The following GCNT2 variants were observed in gnomAD, a reference collection of about 807,000 sequenced individuals.
The protein encoded by GCNT2 is glucosaminyl (N-acetyl) transferase 2 (I blood group), also known as N-acetyllactosaminide beta-1,6-N-acetylglucosaminyl-transferase.
Under a neutral mutation model 34.2 loss-of-function variants are expected in GCNT2, and 34 were observed. The observed-to-expected ratio is 1.00, with a 90% CI of 0.76 to 1.32. GCNT2 has a LOEUF of 1.32. Among genes scored for constraint, GCNT2 ranks in the 40% most tolerant of loss-of-function variants. The pLI is 0.00. For synonymous variants in GCNT2, 212 were observed against 188.0 expected (o/e 1.13, Z -1.04); for missense variants, 584 against 489.4 (o/e 1.19, Z -1.82).
chr6:10,617,747 C>CTTTTTTTTTTTTTTTTTTT (rs1407402607), intron 3 of GCNT2, among the ~76,000 whole-genome samples: 2 of 114,296 alleles, frequency 1.7e-5, no homozygotes, highest in African/African-American at 8.5e-5. Context: ...GTCTGCATTT[C>CTTTTTTTTTTTTTTTTTTT]TTCTTTTTTT....
At position 10,523,772 on chromosome 6, in the gene GCNT2, A is replaced by G. The variant is rs1761040336; in HGVS notation, c.-469+2355A>G. ...CGGATCACGAGGTCAGGAGATCGAG[A>G]CCATCCTGGCTAACACGGTGAAACC... On this transcript the variant is annotated intron_variant, in intron 1 of 4. Coordinates refer to ENST00000495262, the MANE Select transcript of GCNT2 (RefSeq NM_145649.5). Among the ~76,000 whole-genome samples the G allele has an allele frequency of 2.6e-5, 4 of 152,016 alleles. No homozygotes were observed. In the South Asian group the frequency reaches 8.3e-4, roughly 32 times the overall value.
chr6:10,557,185 T>A lies in GCNT2; in HGVS notation c.925+27349T>A, dbSNP rs1242832772. On this transcript the variant is annotated intron_variant, in intron 3 of 4. Coordinates refer to ENST00000495262, the MANE Select transcript of GCNT2 (RefSeq NM_145649.5). ...CAGCGTTGAAACCGCCTCCCCCCCA[T>A]AATCTCACAATTTACTTTGGCTCTG... 2.6e-6 allele frequency: 4 copies of A among 1,554,568 alleles called. No homozygotes were observed. The African/African-American group carries it at 4.1e-5, about 16-fold the overall frequency.
At chr6:10,573,811 TGAAA>T (rs1351137949) in intron 3 of GCNT2, among the ~76,000 whole-genome samples, 1 of 152,196 alleles carries the variant, frequency 6.6e-6, no homozygotes, top group Non-Finnish European at 1.5e-5. Context: ...CAATTGGGAA[TGAAA>T]GGCAGTTCCC....
chr6:10,596,735 A>T (rs973203704), intron 3 of GCNT2, among the ~76,000 whole-genome samples: 1 of 111,400 alleles, frequency 9.0e-6, no homozygotes, highest in Non-Finnish European at 2.1e-5. Flanking sequence ...TTCCTCTATT[A>T]AAAAAAAAAA....
chr6:10,526,983 A>G (rs1761222253), intron 1 of GCNT2, among the ~76,000 whole-genome samples: 1 of 152,150 alleles, frequency 6.6e-6, no homozygotes, highest in South Asian at 2.1e-4. Flanking sequence ...TACATTTAAT[A>G]AAAGTTAGAA....
At chr6:10,593,770 C>T (rs1764739830) in intron 3 of GCNT2, among the ~76,000 whole-genome samples, 1 of 152,114 alleles carries the variant, frequency 6.6e-6, no homozygotes, top group Non-Finnish European at 1.5e-5. Context: ...TCAATATATA[C>T]TCGACGTCTA....
At chr6:10,526,670 T>C (rs1347660967) in intron 1 of GCNT2, among the ~76,000 whole-genome samples, 1 of 152,200 alleles carries the variant, frequency 6.6e-6, no homozygotes, top group Non-Finnish European at 1.5e-5. Context: ...CCAAAAGTGC[T>C]GAGATTACAG....
intron 3 of GCNT2, among the ~76,000 whole-genome samples, chr6:10,581,249 TTATG>T (rs1764056967): frequency 6.6e-6 from 1 of 152,080 alleles, no homozygotes; most frequent in African/African-American, 2.4e-5. Flanking sequence ...GGGTTTTGTT[TTATG>T]TATGTATTTA....
At chr6:10,597,274 G>C (rs1305595689) in intron 3 of GCNT2, among the ~76,000 whole-genome samples, 3 of 149,048 alleles carry the variant, frequency 2.0e-5, no homozygotes, top group African/African-American at 7.4e-5. Flanking sequence ...TCGTGCCTCA[G>C]CCTTCCGAGT....
At chr6:10,569,275 C>CACACACACACACACACACACATACACA (rs1491437125) in intron 3 of GCNT2, among the ~76,000 whole-genome samples, 1 of 101,332 alleles carries the variant, frequency 9.9e-6, no homozygotes, top group East Asian at 3.0e-4. Flanking sequence ...ACACACACAC[C>CACACACACACACACACACACATACACA]CCCTAGGTAA....
At chr6:10,624,229 C>G (rs1009767872) in intron 4 of GCNT2, among the ~76,000 whole-genome samples, 1 of 152,160 alleles carries the variant, frequency 6.6e-6, no homozygotes, top group East Asian at 1.9e-4. Context: ...CGTTTTCACA[C>G]TGCTGATAAA....
At chr6:10,620,252 A>C (rs542501682) in intron 3 of GCNT2, among the ~76,000 whole-genome samples, 1 of 152,340 alleles carries the variant, frequency 6.6e-6, no homozygotes, top group East Asian at 1.9e-4. Context: ...AGAGAGGACT[A>C]TTGAAATTTG....
intron 3 of GCNT2, among the ~76,000 whole-genome samples, chr6:10,541,474 AC>A (rs1762035181): frequency 6.6e-6 from 1 of 152,206 alleles, no homozygotes; most frequent in Non-Finnish European, 1.5e-5. Flanking sequence ...CAGTGAACAT[AC>A]GCGTGCATGT....
chr6:10,570,950 A>G (rs559668607), intron 3 of GCNT2, among the ~76,000 whole-genome samples: 2 of 152,148 alleles, frequency 1.3e-5, no homozygotes, highest in Non-Finnish European at 2.9e-5. Context: ...TTTGTCAGGT[A>G]CTCAGTCTAA....
chr6:10,607,699 T>C (rs6913109), intron 3 of GCNT2, among the ~76,000 whole-genome samples: 18,632 of 114,768 alleles, frequency 0.16, 1,761 homozygotes, highest in African/African-American at 0.28. Flanking sequence ...TTACAGACAT[T>C]TGGGGGGTCT....
intron 3 of GCNT2, among the ~76,000 whole-genome samples, chr6:10,615,284 C>T (rs760486570): frequency 1.3e-5 from 2 of 152,126 alleles, no homozygotes; most frequent in African/African-American, 2.4e-5. Context: ...AAGATGCTGA[C>T]GTTGGATGTT....
At chr6:10,583,332 T>C (rs1041285402) in intron 3 of GCNT2, among the ~76,000 whole-genome samples, 1 of 152,088 alleles carries the variant, frequency 6.6e-6, no homozygotes, top group Admixed American at 6.6e-5. Context: ...TCAAATGTTT[T>C]CCTAACAGGA....
At chr6:10,616,548 C>T (rs1486484351) in intron 3 of GCNT2, among the ~76,000 whole-genome samples, 1 of 152,174 alleles carries the variant, frequency 6.6e-6, no homozygotes, top group Non-Finnish European at 1.5e-5. Flanking sequence ...ATTAGCTAGA[C>T]ACAGAGTGCT....
At chr6:10,619,903 T>C (rs1421527920) in intron 3 of GCNT2, among the ~76,000 whole-genome samples, 2 of 152,178 alleles carry the variant, frequency 1.3e-5, no homozygotes, top group African/African-American at 4.8e-5. Context: ...GGTGGCTTCT[T>C]CCCCCATCTT....
Sources: gnomAD v4.1 joint callset for allele counts (sites outside exome capture counted in the v4.1 genomes callset) on GRCh38, gnomAD v4.1.1 for gene constraint, MANE v1.5 for transcripts, NCBI Gene and HGNC (gene_info 2026-07-23, HGNC 2026-07-21) for gene names.